The following ZYG11B variants were observed in gnomAD, a reference collection of about 807,000 sequenced individuals.
ZYG11B encodes zyg-11 family member B, cell cycle regulator, also known as protein zyg-11 homolog B.
ZYG11B carries 36 observed loss-of-function variants against 82.4 expected under a neutral mutation model. The observed-to-expected ratio is 0.44, with a 90% CI of 0.33 to 0.58. The LOEUF is 0.58. Among genes scored for constraint, ZYG11B ranks in the 20% least tolerant of loss-of-function variants. ZYG11B has a pLI of 0.02. For synonymous variants in ZYG11B, 303 were observed against 312.8 expected (o/e 0.97, Z 0.33); for missense variants, 552 against 895.6 (o/e 0.62, Z 4.90).
At chr1:52,786,876 A>C (rs2149949178) in intron 5 of ZYG11B, among the ~76,000 whole-genome samples, 1 of 152,322 alleles carries the variant, frequency 6.6e-6, no homozygotes, top group South Asian at 2.1e-4. Flanking sequence ...ATATCACATG[A>C]GGTCAGGAGT....
chr1:52,812,046 A>G (rs1383419988), intron 10 of ZYG11B, among the ~76,000 whole-genome samples: 1 of 152,012 alleles, frequency 6.6e-6, no homozygotes, highest in Admixed American at 6.6e-5. Flanking sequence ...AAAAATTTAC[A>G]TTTAGGTCTT....
intron 3 of ZYG11B, among the ~76,000 whole-genome samples, chr1:52,773,116 A>C (rs1047595770): frequency 6.6e-6 from 1 of 152,158 alleles, no homozygotes; most frequent in Non-Finnish European, 1.5e-5. Flanking sequence ...AAGATTTCTC[A>C]TGCCTAATGG....
intron 10 of ZYG11B, among the ~76,000 whole-genome samples, chr1:52,805,865 A>G (rs915119068): frequency 6.6e-6 from 1 of 151,590 alleles, no homozygotes; most frequent in Non-Finnish European, 1.5e-5. Flanking sequence ...AAAAGACTTC[A>G]TCTCAAAAAA....
At chr1:52,816,159 G>A in intron 12 of ZYG11B, among the ~76,000 whole-genome samples, 1 of 151,992 alleles carries the variant, frequency 6.6e-6, no homozygotes. Flanking sequence ...GTAGAAAATA[G>A]AAGGGATAAT....
chr1:52,818,794 GTT>G (rs771697972), intron 13 of ZYG11B, among the ~76,000 whole-genome samples: 7 of 136,872 alleles, frequency 5.1e-5, no homozygotes, highest in Non-Finnish European at 4.8e-5. Flanking sequence ...TTTCGCTTGG[GTT>G]TTTTTTTTTT....
rs535566588 is a variant in ZYG11B, at chr1:52,763,977, A to G, written c.197-7043A>G. 9.3e-4 allele frequency among the ~76,000 whole-genome samples: 142 copies of G among 152,328 alleles called. 1 individual carries two copies. Among genetic ancestry groups the G allele is most frequent in the African/African-American group, 3.3e-3 (139 of 41,586 alleles). Reference sequence around the variant, plus strand: ...AGCACCCCACTTATTTGTAGATCACATTGCTGGTCACTTCAGCTGTCTGTC... The same window carrying G: ...AGCACCCCACTTATTTGTAGATCACGTTGCTGGTCACTTCAGCTGTCTGTC... On this transcript the variant is annotated intron_variant, in intron 2 of 13. Transcript: ENST00000294353.
chr1:52,772,957 A>G (rs1319040196), intron 3 of ZYG11B, among the ~76,000 whole-genome samples: 67 of 151,992 alleles, frequency 4.4e-4, no homozygotes, highest in African/African-American at 1.4e-3. Flanking sequence ...GATTATAGGC[A>G]TGAGCCACCG....
chr1:52,796,898 A>ATATAAAAT (rs1645011766), intron 8 of ZYG11B, 114 bp downstream of exon 8: 1 of 108,478 alleles, frequency 9.2e-6, no homozygotes, highest in Non-Finnish European at 1.7e-5. Context: ...TATAATATAT[A>ATATAAAAT]ATTATATATA....
intron 13 of ZYG11B, among the ~76,000 whole-genome samples, chr1:52,817,765 GTA>G (rs1366515992): frequency 6.7e-5 from 4 of 60,054 alleles, no homozygotes; most frequent in African/African-American, 2.7e-4. Context: ...AGTAAAGTGT[GTA>G]TATATATGTG....
chr1:52,740,980 G>A, intron 1 of ZYG11B, among the ~76,000 whole-genome samples: 1 of 151,968 alleles, frequency 6.6e-6, no homozygotes, highest in South Asian at 2.1e-4. Flanking sequence ...CTGGAAGCCT[G>A]ACTTGGTTGA....
chr1:52,780,678 C>T (rs1644847838), intron 4 of ZYG11B, among the ~76,000 whole-genome samples: 1 of 152,134 alleles, frequency 6.6e-6, no homozygotes, highest in South Asian at 2.1e-4. Context: ...AGTGCAGTGG[C>T]TGTTCACAGG....
At chr1:52,781,510 A>G (rs2149945241) in intron 4 of ZYG11B, among the ~76,000 whole-genome samples, 1 of 152,250 alleles carries the variant, frequency 6.6e-6, no homozygotes, top group East Asian at 1.9e-4. Context: ...AAAAGAGAAA[A>G]AAAAAAGATA....
intron 10 of ZYG11B, among the ~76,000 whole-genome samples, chr1:52,803,243 C>CACATATATATATAT (rs1645107013): frequency 1.9e-5 from 1 of 51,840 alleles, no homozygotes. Flanking sequence ...TATATATACA[C>CACATATATATATAT]ACACACATAT....
At chr1:52,744,581 G>A (rs571735051) in intron 1 of ZYG11B, among the ~76,000 whole-genome samples, 11 of 152,304 alleles carry the variant, frequency 7.2e-5, no homozygotes, top group Non-Finnish European at 1.3e-4. Context: ...GCTAGCTCAC[G>A]CCTGTAATCC....
In ZYG11B at chr1:52,816,735, T is replaced by G. The variant is rs1645227336; in HGVS notation, c.2044+106T>G. On this transcript the variant is annotated intron_variant, in intron 13 of 13. Transcript: ENST00000294353. ...GTATTAAAGTGATTTTTAAGAACAC[T>G]GACTTAAAATGTAAGGCCATCTTAG... 20 of 770,280 alleles carry G rather than the reference T, an allele frequency of 2.6e-5. No individual in the cohort carries two copies. The South Asian group carries it at 3.2e-4, about 12-fold the overall frequency. The allele number at this position is 770,280 out of a possible 1,614,324, so 47.7% of individuals were successfully genotyped here.
chr1:52,766,567 A>G (rs1057089350), intron 2 of ZYG11B, among the ~76,000 whole-genome samples: 3 of 151,952 alleles, frequency 2.0e-5, no homozygotes, highest in Admixed American at 6.6e-5. Context: ...GGTTCTTAGT[A>G]TGATTCAGAG....
At chr1:52,803,099 C>CACATATATACACATATAT in intron 10 of ZYG11B, among the ~76,000 whole-genome samples, 1 of 10,796 alleles carries the variant, frequency 9.3e-5, no homozygotes, top group South Asian at 2.4e-3. Flanking sequence ...TATATATATA[C>CACATATATACACATATAT]ATATATATAT....
At chr1:52,753,837 C>T (rs987191724) in intron 1 of ZYG11B, among the ~76,000 whole-genome samples, 1 of 152,152 alleles carries the variant, frequency 6.6e-6, no homozygotes, top group African/African-American at 2.4e-5. Context: ...CGCAGGTGAT[C>T]CACCCGCCTC....
At chr1:52,816,778 T>C in intron 13 of ZYG11B, 149 bp downstream of exon 13, 1 of 484,118 alleles carries the variant, frequency 2.1e-6, no homozygotes, top group Non-Finnish European at 3.5e-6. Context: ...ACTTAAGGTA[T>C]TCTTTTTTTT....
Sources: gnomAD v4.1 joint callset for allele counts (sites outside exome capture counted in the v4.1 genomes callset) on GRCh38, gnomAD v4.1.1 for gene constraint, MANE v1.5 for transcripts, NCBI Gene and HGNC (gene_info 2026-07-23, HGNC 2026-07-21) for gene names.